NRXN1: variants seen among roughly 807,000 people sequenced by gnomAD.
NRXN1 encodes neurexin 1.
A neutral mutation model predicts 150.9 loss-of-function variants in NRXN1; 39 were observed. The observed-to-expected ratio is 0.26, with a 90% CI of 0.20 to 0.34. NRXN1 has a LOEUF of 0.34. Ranked by LOEUF, NRXN1 falls within the 10% of genes least tolerant of loss-of-function variation. The pLI is 1.00. For synonymous variants in NRXN1, 924 were observed against 757.0 expected (o/e 1.22, Z -3.62); for missense variants, 1,815 against 1,949.9 (o/e 0.93, Z 1.30).
intron 8 of NRXN1, among the ~76,000 whole-genome samples, chr2:50,563,899 C>T (rs1480161830): frequency 6.6e-6 from 1 of 152,128 alleles, no homozygotes; most frequent in Non-Finnish European, 1.5e-5. Flanking sequence ...TGCACATCCA[C>T]CTAAGAGCCT....
At chr2:50,751,974 T>A (rs776934803) in intron 5 of NRXN1, among the ~76,000 whole-genome samples, 5 of 151,868 alleles carry the variant, frequency 3.3e-5, no homozygotes, top group Non-Finnish European at 7.4e-5. Flanking sequence ...AGTTATTGGA[T>A]TGAGTAGCTA....
At chr2:50,967,413 G>C (rs1694278895) in intron 2 of NRXN1, among the ~76,000 whole-genome samples, 1 of 151,798 alleles carries the variant, frequency 6.6e-6, no homozygotes, top group African/African-American at 2.4e-5. Context: ...ATCACACAAA[G>C]CCACCTAAAT....
intron 19 of NRXN1, among the ~76,000 whole-genome samples, chr2:50,075,795 A>AG (rs1028278594): frequency 4.5e-5 from 3 of 67,384 alleles, no homozygotes; most frequent in East Asian, 3.4e-4. Flanking sequence ...TTGGTGACAA[A>AG]GGAAAAAAAA....
chr2:50,188,321 T>C (rs563299975), intron 18 of NRXN1, among the ~76,000 whole-genome samples: 13 of 152,282 alleles, frequency 8.5e-5, no homozygotes, highest in Middle Eastern at 6.8e-3. Context: ...GCTAGCCATA[T>C]GCAGAAAACT....
intron 17 of NRXN1, among the ~76,000 whole-genome samples, chr2:50,434,195 G>T (rs1036983121): frequency 7.9e-5 from 12 of 151,748 alleles, no homozygotes; most frequent in African/African-American, 2.9e-4. Flanking sequence ...AAGTAGCTGG[G>T]ACTAGAGGCG....
chr2:50,741,068 A>G (rs1016776046), intron 5 of NRXN1, among the ~76,000 whole-genome samples: 5 of 152,144 alleles, frequency 3.3e-5, no homozygotes, highest in Admixed American at 3.3e-4. Context: ...CGCAGAGCAT[A>G]ATTGTGTCTC....
rs918553022 is a variant in NRXN1 at position 50,468,375 on chromosome 2, C to A, written c.3245-2814G>T. Among the ~76,000 whole-genome samples the A allele has an allele frequency of 4.0e-5, 6 of 151,614 alleles. No individual in the cohort carries two copies. The East Asian group carries it at 1.2e-3, about 30-fold the overall frequency. On this transcript the variant is annotated intron_variant, in intron 16 of 22. Transcript: ENST00000401669. The stretch of plus-strand genomic sequence containing the variant: ...TCATTATCACAATAGTCTTTATATT[C>A]AGGAATTACAAGACAATGCATGCCT...
At chr2:50,109,453 C>T (rs966262269) in intron 18 of NRXN1, among the ~76,000 whole-genome samples, 1 of 151,982 alleles carries the variant, frequency 6.6e-6, no homozygotes. Flanking sequence ...GCCAAAAAAA[C>T]CCCACAGAAA....
intron 11 of NRXN1, among the ~76,000 whole-genome samples, chr2:50,530,856 T>C (rs1328553579): frequency 2.0e-5 from 3 of 152,194 alleles, no homozygotes; most frequent in African/African-American, 7.2e-5. Flanking sequence ...GAAGACATGC[T>C]TTTATTTATC....
chr2:51,015,032 T>TG (rs1021925938), intron 2 of NRXN1, among the ~76,000 whole-genome samples: 15 of 152,200 alleles, frequency 9.9e-5, no homozygotes, highest in Admixed American at 9.8e-4. Context: ...TTTCCCTTTT[T>TG]GGCTTAAGCC....
chr2:50,950,829 T>A (rs191565596), intron 2 of NRXN1, among the ~76,000 whole-genome samples: 1 of 152,218 alleles, frequency 6.6e-6, no homozygotes, highest in Non-Finnish European at 1.5e-5. Context: ...AAACAATAGC[T>A]TTAGTTCTAA....
chr2:50,479,781 T>TTTTC (rs1310161667), intron 15 of NRXN1, among the ~76,000 whole-genome samples: 1 of 135,240 alleles, frequency 7.4e-6, no homozygotes, highest in African/African-American at 2.8e-5. Flanking sequence ...TTTTTTTTTT[T>TTTTC]TTTTTTTTTT....
intron 18 of NRXN1, among the ~76,000 whole-genome samples, chr2:50,100,929 T>C (rs1031288829): frequency 3.9e-5 from 6 of 152,010 alleles, no homozygotes; most frequent in African/African-American, 1.4e-4. Flanking sequence ...CTATGGAACC[T>C]TCTTAATTTT....
intron 18 of NRXN1, among the ~76,000 whole-genome samples, chr2:50,129,152 T>A (rs1394783577): frequency 6.6e-6 from 1 of 152,084 alleles, no homozygotes; most frequent in East Asian, 1.9e-4. Context: ...ACAAGAGAAA[T>A]TATCCTATCT....
intron 17 of NRXN1, among the ~76,000 whole-genome samples, chr2:50,414,939 G>T (rs1427361736): frequency 2.0e-5 from 3 of 152,000 alleles, no homozygotes; most frequent in East Asian, 1.9e-4. Flanking sequence ...ATATATAACA[G>T]AAATAATTTA....
At chr2:50,223,801 A>G (rs2064110979) in intron 18 of NRXN1, among the ~76,000 whole-genome samples, 2 of 151,796 alleles carry the variant, frequency 1.3e-5, no homozygotes, top group African/African-American at 4.8e-5. Context: ...GTGCGGGGGG[A>G]AAGAAGTAGG....
chr2:50,198,498 C>A (rs4971659), intron 18 of NRXN1, among the ~76,000 whole-genome samples: 2 of 151,920 alleles, frequency 1.3e-5, no homozygotes, highest in African/African-American at 4.8e-5. Flanking sequence ...CCCAACCTCT[C>A]GAATGCCCAT....
chr2:50,269,693 C>T (rs6737523), intron 17 of NRXN1, among the ~76,000 whole-genome samples: 14,936 of 152,154 alleles, frequency 0.098, 878 homozygotes, highest in East Asian at 0.16. Context: ...GCAAACTAGT[C>T]GAGTTTTCTC....
chr2:50,802,385 G>T (rs1707718328), intron 5 of NRXN1, among the ~76,000 whole-genome samples: 1 of 151,996 alleles, frequency 6.6e-6, no homozygotes, highest in East Asian at 1.9e-4. Context: ...CCAGCTACTT[G>T]GGAGGCTGAG....
Sources: gnomAD v4.1 joint callset for allele counts (sites outside exome capture counted in the v4.1 genomes callset) on GRCh38, gnomAD v4.1.1 for gene constraint, MANE v1.5 for transcripts, NCBI Gene and HGNC (gene_info 2026-07-23, HGNC 2026-07-21) for gene names.